Variants in ZDHHC8 observed in about 807,000 individuals in gnomAD.
ZDHHC8 encodes palmitoyltransferase ZDHHC8.
A neutral mutation model predicts 61.2 loss-of-function variants in ZDHHC8; 24 were observed. The ratio of observed to expected loss-of-function variants is 0.39; its 90% confidence interval spans 0.28 to 0.55. The LOEUF (loss-of-function observed/expected upper bound fraction) is 0.55, where lower values mean the gene tolerates loss of function less well. ZDHHC8 is among the 20% of genes least tolerant of loss of function. The pLI is 0.60. For synonymous variants in ZDHHC8, 523 were observed against 492.5 expected, an observed-to-expected ratio of 1.06 and a Z score of -0.82; for missense variants, 935 against 1,102.1, an observed-to-expected ratio of 0.85 and a Z score of 2.15.
chr22:20,145,985 G>GGCCAGCCA lies in ZDHHC8; in HGVS notation c.*592_*599dup. ...GGTGGTGGTGGATAGGTGGACAGAC[G>GGCCAGCCA]GCCAGCCAGCCAGCTGTGGCCGGGG... is the stretch of plus-strand genomic sequence containing the variant. On this transcript the variant is annotated 3_prime_UTR_variant, in exon 11 of 11. Transcript: ENST00000334554. The GGCCAGCCA allele has an allele frequency of 3.0e-6, 3 of 985,822 alleles. No homozygotes were observed. Among genetic ancestry groups the GGCCAGCCA allele is most frequent in the Non-Finnish European group, 3.6e-6 (3 of 830,046 alleles). The allele number at this position is 985,822 out of a possible 1,614,324, so 61.1% of individuals were successfully genotyped here.
In ZDHHC8 at chr22:20,140,902, G is replaced by C. The variant is rs746580985; in HGVS notation, c.784G>C (p.Ala262Pro). ...GGTGGAGCCACCCCGGCTGCCGCTCGCGGTGAGTTTGAAGCCGCCTTTCCT... is the reference window on the plus strand; with the variant it reads ...GGTGGAGCCACCCCGGCTGCCGCTCCCGGTGAGTTTGAAGCCGCCTTTCCT... ...YVVEPPRLPL[A>P]VSLKPPFLRP... The change falls in exon 7 of 11, where the codon GCG becomes CCG. Residue 262 changes from alanine to proline, a missense_variant. Coordinates refer to ENST00000334554, the MANE Select transcript of ZDHHC8 (RefSeq NM_013373.4). The C allele has an allele frequency of 3.7e-6, 6 of 1,605,436 alleles. No individual in the cohort carries two copies. The highest frequency in any genetic ancestry group is 1.7e-4 in the Middle Eastern group (1 of 6,048).
intron 7 of ZDHHC8, 40 bp downstream of exon 7, chr22:20,141,052 C>G (rs372241606): frequency 1.1e-4 from 177 of 1,606,536 alleles, no homozygotes; most frequent in Non-Finnish European, 1.9e-5. Context: ...CAGTCAGGCC[C>G]TTGGATGGGG....
chr22:20,147,532 T>G lies in ZDHHC8; in HGVS notation c.*2132T>G. ...AACCAAGCACTTTAGACTAAGCCAC[T>G]TCCTCCTCGGGGAGCCCAGGCCTCC... On this transcript the variant is annotated 3_prime_UTR_variant, in exon 11 of 11. Coordinates refer to ENST00000334554, the MANE Select transcript of ZDHHC8 (RefSeq NM_013373.4). The G allele has an allele frequency of 1.1e-5, 2 of 183,236 alleles. No homozygotes were observed. The highest frequency in any genetic ancestry group is 2.2e-5 in the Non-Finnish European group (2 of 89,886). 11.4% of individuals were successfully genotyped at this position (183,236 alleles called of 1,614,324 possible).
At position 20,140,994 on chromosome 22, in the gene ZDHHC8, T is replaced by C; in HGVS notation, c.876T>C (p.Ala292=). The change falls in exon 7 of 11, where the codon GCT becomes GCC. Residue 292 remains alanine (A), a synonymous_variant. Transcript: ENST00000334554. ...KVKLSDNGLK[A]GLGRSKSKGS... ...AGCTTAGTGACAACGGGCTGAAGGCTGGCCTGGGCCGTAGCAAGGTGGGCG... is the reference window on the plus strand; with the variant it reads ...AGCTTAGTGACAACGGGCTGAAGGCCGGCCTGGGCCGTAGCAAGGTGGGCG... 5 of 1,611,252 alleles carry C rather than the reference T, an allele frequency of 3.1e-6. No individual in the cohort carries two copies. The highest frequency in any genetic ancestry group is 4.2e-6 in the Non-Finnish European group (5 of 1,179,970).
chr22:20,138,267 TC>T (rs2050438302), intron 1 of ZDHHC8, among the ~76,000 whole-genome samples: 1 of 152,218 alleles, frequency 6.6e-6, no homozygotes, highest in Admixed American at 6.5e-5. Context: ...ACCCCTGTGT[TC>T]CTGTCCCTGC....
At position 20,147,025 on chromosome 22, in the gene ZDHHC8, C is replaced by T. The variant is rs1398128569; in HGVS notation, c.*1625C>T. On this transcript the variant is annotated 3_prime_UTR_variant, in exon 11 of 11. Coordinates refer to ENST00000334554, the MANE Select transcript of ZDHHC8 (RefSeq NM_013373.4). ...CACGGACGCCGCGGCCCGCAGGGGGCGGATTGGCACCTGCACCCGTGGATG... is the reference window on the plus strand; with the variant it reads ...CACGGACGCCGCGGCCCGCAGGGGGTGGATTGGCACCTGCACCCGTGGATG... 2.1e-6 allele frequency: 3 copies of T among 1,417,902 alleles called. No homozygotes were observed. Among genetic ancestry groups the T allele is most frequent in the Admixed American group, 3.3e-5 (1 of 30,474 alleles). The allele number at this position is 1,417,902 out of a possible 1,614,324, so 87.8% of individuals were successfully genotyped here.
At chr22:20,142,467 C>T (rs1489833560) in intron 9 of ZDHHC8, among the ~76,000 whole-genome samples, 1 of 152,208 alleles carries the variant, frequency 6.6e-6, no homozygotes, top group Non-Finnish European at 1.5e-5. Flanking sequence ...AGACGAGGCT[C>T]CTCCTCCCTC....
At chr22:20,138,428 G>A (rs1394404071) in intron 1 of ZDHHC8, among the ~76,000 whole-genome samples, 3 of 152,230 alleles carry the variant, frequency 2.0e-5, no homozygotes, top group Non-Finnish European at 4.4e-5. Flanking sequence ...GAGGGGACTC[G>A]GGCCAGGCCC....
In ZDHHC8 at chr22:20,139,855, C is replaced by T; in HGVS notation, c.520C>T (p.His174Tyr). 1 of 1,612,678 alleles carries T rather than the reference C, an allele frequency of 6.2e-7. No homozygotes were observed. The highest frequency in any genetic ancestry group is 8.5e-7 in the Non-Finnish European group (1 of 1,179,976). Residue 174 changes from histidine (H) to tyrosine (Y), a missense_variant, in exon 4 of 11, where the codon CAC becomes TAC. Physicochemically the swap from His to Tyr is moderately conservative, Grantham distance 83. Around this residue, in one of 3 missense-constraint regions of ZDHHC8, gnomAD observed 199 missense variants for 334.0 expected, o/e 0.60. Transcript: ENST00000334554. ...VAFGLVYVLNHAEGLGAAHTT... is the reference protein window; with the variant it reads ...VAFGLVYVLNYAEGLGAAHTT... ...CTTCGGCCTGGTCTACGTGCTGAAC[C>T]ACGCTGAGGGGCTGGGAGCCGCGCA...
chr22:20,143,592 C>T lies in ZDHHC8; in HGVS notation c.1962C>T (p.Asn654=), dbSNP rs9605069. 251,382 of 1,599,864 alleles carry T rather than the reference C, an allele frequency of 0.16. 21,644 individuals are homozygous for T. The highest frequency in any genetic ancestry group is 0.18 in the Middle Eastern group (1,035 of 5,818). Residue 654 remains asparagine (N), a synonymous_variant, in exon 10 of 11, where the codon AAC becomes AAT. Coordinates refer to ENST00000334554, the MANE Select transcript of ZDHHC8 (RefSeq NM_013373.4). ...SSLQADQASS[N]APGPRPSSGS... The stretch of plus-strand genomic sequence containing the variant: ...TGCAGGCTGATCAGGCCAGCAGCAA[C>T]GCCCCGGGGCCCCGGCCCAGCAGTG...
In ZDHHC8 at chr22:20,146,470, T is replaced by C; in HGVS notation, c.*1070T>C. ...AAAAAGAGTTATTTTGATTCTTTCC[T>C]TGGGCAAGGCCAGGGCTATTGCTGC... is the stretch of plus-strand genomic sequence containing the variant. On this transcript the variant is annotated 3_prime_UTR_variant, in exon 11 of 11. Coordinates refer to ENST00000334554, the MANE Select transcript of ZDHHC8 (RefSeq NM_013373.4). The C allele has an allele frequency of 1.0e-6, 1 of 986,426 alleles. No homozygotes were observed. The highest frequency in any genetic ancestry group is 1.2e-6 in the Non-Finnish European group (1 of 830,668). The allele number at this position is 986,426 out of a possible 1,614,324, so 61.1% of individuals were successfully genotyped here. A position where few individuals can be genotyped will look rare whatever the true frequency, so the allele number is the denominator to read the frequency against.
In ZDHHC8 at chr22:20,147,162, C is replaced by G. The variant is rs1377350187; in HGVS notation, c.*1762C>G. 2.0e-6 allele frequency: 3 copies of G among 1,532,010 alleles called. No individual in the cohort carries two copies. The highest frequency in any genetic ancestry group is 2.6e-6 in the Non-Finnish European group (3 of 1,139,736). 94.9% of individuals were successfully genotyped at this position (1,532,010 alleles called of 1,614,324 possible). ...CCTGGAGCCAGGCCGCCGGGGCACC[C>G]CCACGCGGGGCCATGTGCCGCCTGC... On this transcript the variant is annotated 3_prime_UTR_variant, in exon 11 of 11. Transcript: ENST00000334554.
intron 10 of ZDHHC8, among the ~76,000 whole-genome samples, chr22:20,144,360 G>A (rs1387306579): frequency 1.3e-5 from 2 of 152,210 alleles, no homozygotes; most frequent in East Asian, 1.9e-4. Flanking sequence ...CTGAGAAGGC[G>A]GGGTCAGCTG....
In ZDHHC8 at chr22:20,146,808, C is replaced by T; in HGVS notation, c.*1408C>T. ...GGGGTGCATAGGGGCCACCTGTTGG[C>T]TCAGGGCCCTGTGGGGGCCGCTGAA... On this transcript the variant is annotated 3_prime_UTR_variant, in exon 11 of 11. Transcript: ENST00000334554. The T allele has an allele frequency of 2.4e-6, 3 of 1,243,438 alleles. No homozygotes were observed. The highest frequency in any genetic ancestry group is 3.0e-6 in the Non-Finnish European group (3 of 994,714). The allele number at this position is 1,243,438 out of a possible 1,614,324, so 77.0% of individuals were successfully genotyped here.
chr22:20,142,252 C>T (rs572568641), intron 9 of ZDHHC8, among the ~76,000 whole-genome samples: 3 of 152,322 alleles, frequency 2.0e-5, no homozygotes, highest in South Asian at 2.1e-4. Flanking sequence ...GGCCGTGCCT[C>T]GCAGGAGGAG....
At position 20,147,131 on chromosome 22, in the gene ZDHHC8, G is replaced by A. The variant is rs1006416958; in HGVS notation, c.*1731G>A. Reference sequence around the variant, plus strand: ...CGCCCGGAGGACCGCCCACCACTGCGGGCCCCCTGGAGCCAGGCCGCCGGG... The same window carrying A: ...CGCCCGGAGGACCGCCCACCACTGCAGGCCCCCTGGAGCCAGGCCGCCGGG... On this transcript the variant is annotated 3_prime_UTR_variant, in exon 11 of 11. Transcript: ENST00000334554. 26 of 1,533,866 alleles carry A rather than the reference G, an allele frequency of 1.7e-5. No homozygotes were observed. The highest frequency in any genetic ancestry group is 2.8e-5 in the African/African-American group (2 of 71,858).
At chr22:20,135,940 C>T (rs1362404191) in intron 1 of ZDHHC8, among the ~76,000 whole-genome samples, 1 of 152,282 alleles carries the variant, frequency 6.6e-6, no homozygotes, top group Non-Finnish European at 1.5e-5. Context: ...ATTTTCCATT[C>T]CACATTTAGC....
Position 20,146,494 on chromosome 22 carries a change from G to A in ZDHHC8, c.*1094G>A. 1 of 987,782 alleles carries A rather than the reference G, an allele frequency of 1.0e-6. No individual in the cohort carries two copies. Among genetic ancestry groups the A allele is most frequent in the Non-Finnish European group, 1.2e-6 (1 of 831,722 alleles). 61.2% of individuals were successfully genotyped at this position (987,782 alleles called of 1,614,324 possible). A position where few individuals can be genotyped will look rare whatever the true frequency, so the allele number is the denominator to read the frequency against. On this transcript the variant is annotated 3_prime_UTR_variant, in exon 11 of 11. Coordinates refer to ENST00000334554, the MANE Select transcript of ZDHHC8 (RefSeq NM_013373.4). ...CTTGGGCAAGGCCAGGGCTATTGCT[G>A]CAGGATCCCGAGTTAGGGGAGGGCA... is the stretch of plus-strand genomic sequence containing the variant.
At chr22:20,139,955 G>A (rs755158828) in intron 4 of ZDHHC8, 63 bp downstream of exon 4, 1 of 1,599,222 alleles carries the variant, frequency 6.3e-7, no homozygotes, top group Non-Finnish European at 8.5e-7. Flanking sequence ...CGTTCACCAG[G>A]GAGATTGAGC....
Sources: gnomAD v4.1 joint callset for allele counts (sites outside exome capture counted in the v4.1 genomes callset) on GRCh38, gnomAD v4.1.1 for gene constraint, gnomAD v4.1.1 regional missense constraint, MANE v1.5 for transcripts, NCBI Gene and HGNC (gene_info 2026-07-23, HGNC 2026-07-21) for gene names.